The following ACSL6 variants were observed in gnomAD, a reference collection of about 807,000 sequenced individuals.
ACSL6 encodes the protein acyl-CoA synthetase long chain family member 6, also known as long-chain-fatty-acid--CoA ligase 6.
A neutral mutation model predicts 98.2 loss-of-function variants in ACSL6; 47 were observed. The observed-to-expected ratio is 0.48, with a 90% confidence interval of 0.38 to 0.61. ACSL6 has a LOEUF of 0.61. Among genes scored for constraint, ACSL6 ranks in the 20% least tolerant of loss-of-function variants. The pLI is 0.00. For synonymous variants in ACSL6, 362 were observed against 336.9 expected (o/e 1.07, Z -0.82); for missense variants, 761 against 913.4 (o/e 0.83, Z 2.15).
intron 9 of ACSL6, among the ~76,000 whole-genome samples, chr5:131,980,795 C>T (rs959429960): frequency 6.6e-6 from 1 of 152,138 alleles, no homozygotes; most frequent in African/African-American, 2.4e-5. Context: ...CCTTCAGTCA[C>T]TCTCCTGTCA....
At chr5:131,970,766 T>C (rs1443483562) in intron 14 of ACSL6, among the ~76,000 whole-genome samples, 3 of 152,172 alleles carry the variant, frequency 2.0e-5, no homozygotes, top group Non-Finnish European at 2.9e-5. Context: ...TGACCTATTT[T>C]CAACCACTGA....
chr5:131,973,525 C>T, intron 11 of ACSL6, 125 bp from the exon 12 acceptor site: 5 of 1,013,312 alleles, frequency 4.9e-6, no homozygotes, highest in Admixed American at 2.7e-5. Flanking sequence ...GCTCTGGCTG[C>T]TGCCATGAGA....
chr5:131,968,024 G>T lies in ACSL6; in HGVS notation c.1512C>A (p.His504Gln), dbSNP rs532996587. 1 of 1,613,372 alleles carries T rather than the reference G, an allele frequency of 6.2e-7. No individual in the cohort carries two copies. The highest frequency in any genetic ancestry group is 1.1e-5 in the South Asian group (1 of 90,958). Residue 504 changes from histidine (H) to glutamine (Q), a missense_variant, in exon 16 of 21, where the codon CAC becomes CAA. Transcript: ENST00000651883. ...GATTGCAGGGAAGTGGCGCCCCTAC[G>T]TGCCCTGGAACACCGGAGCAAGATG... ...FTTPGDWTSG[H>Q]VGAPLPCNHI...
intron 1 of ACSL6, among the ~76,000 whole-genome samples, chr5:132,002,621 A>G (rs1359498929): frequency 6.6e-6 from 1 of 152,130 alleles, no homozygotes; most frequent in Non-Finnish European, 1.5e-5. Context: ...CAAAAGACAG[A>G]ACCTGAGACA....
rs186759560 is a variant in ACSL6, at chr5:132,011,288, C to T, written c.49+217G>A. Among the ~76,000 whole-genome samples, 1,026 of 152,266 alleles carry T rather than the reference C, an allele frequency of 6.7e-3. 14 individuals are homozygous for T. Among genetic ancestry groups the T allele is most frequent in the African/African-American group, 0.022 (912 of 41,558 alleles). ...TCGCAGAGAGCAAGCCCTATATCTC[C>T]CTCCGCAGACCCAGGTGCTCCCCAA... On this transcript the variant is annotated intron_variant, in intron 1 of 20. Coordinates refer to ENST00000651883, the MANE Select transcript of ACSL6 (RefSeq NM_001009185.3). The surrounding 1 kb of genome is among the most constrained non-coding windows in gnomAD (Gnocchi z 5.4).
intron 11 of ACSL6, 74 bp downstream of exon 11, chr5:131,974,819 G>C: frequency 6.2e-7 from 1 of 1,613,624 alleles, no homozygotes; most frequent in Non-Finnish European, 8.5e-7. Context: ...ATCCGCACAA[G>C]TGGGAGCCCA....
chr5:131,979,339 C>G, intron 9 of ACSL6, among the ~76,000 whole-genome samples: 1 of 152,166 alleles, frequency 6.6e-6, no homozygotes, highest in East Asian at 1.9e-4. Flanking sequence ...TGTTACAGAG[C>G]TTTGGATTTG....
chr5:131,955,553 G>C (rs915719287), intron 20 of ACSL6, among the ~76,000 whole-genome samples: 3 of 152,248 alleles, frequency 2.0e-5, no homozygotes, highest in African/African-American at 7.2e-5. Context: ...ATAGAAGTGG[G>C]GTTTAGATAG....
At chr5:131,959,185 C>G (rs960008907) in intron 20 of ACSL6, among the ~76,000 whole-genome samples, 1 of 152,126 alleles carries the variant, frequency 6.6e-6, no homozygotes, top group African/African-American at 2.4e-5. Flanking sequence ...TCTGCTGAAG[C>G]CAAGAAGACG....
Position 131,972,758 on chromosome 5 carries a change from C to T in ACSL6, c.1304G>A (p.Ser435Asn), listed in dbSNP as rs1385359707. The T allele has an allele frequency of 1.2e-6, 2 of 1,614,214 alleles. No individual in the cohort carries two copies. Among genetic ancestry groups the T allele is most frequent in the Admixed American group, 3.3e-5 (2 of 60,028 alleles). Residue 435 changes from serine to asparagine, a missense_variant, in exon 13 of 21, where the codon AGT becomes AAT. Transcript: ENST00000651883. ...EVRSGIIRND[S>N]IWDELFFNKI... Reference sequence around the variant, plus strand: ...ATTAAAGAAGAGTTCATCCCAGATACTATCATTCCTGATGATTCCACTCCG... The same window carrying T: ...ATTAAAGAAGAGTTCATCCCAGATATTATCATTCCTGATGATTCCACTCCG...
At chr5:131,975,076 G>T in intron 10 of ACSL6, 106 bp from the exon 11 acceptor site, 1 of 1,464,978 alleles carries the variant, frequency 6.8e-7, no homozygotes, top group Non-Finnish European at 9.2e-7. Context: ...GGGTAAACAG[G>T]AAGAGGGGGA....
chr5:131,973,478 T>A (rs1200776628), intron 11 of ACSL6, 78 bp from the exon 12 acceptor site: 1 of 1,491,318 alleles, frequency 6.7e-7, no homozygotes, highest in Admixed American at 2.0e-5. Context: ...TCCAAAGTGC[T>A]GCCCTACATG....
intron 11 of ACSL6, chr5:131,973,880 G>A (rs895418320): frequency 7.8e-5 from 12 of 154,380 alleles, no homozygotes; most frequent in African/African-American, 2.4e-4. Context: ...TGTTTAGTGC[G>A]AGGCCAAGGG....
intron 12 of ACSL6, 72 bp from the exon 13 acceptor site, chr5:131,972,930 A>G (rs765206862): frequency 2.8e-5 from 45 of 1,603,092 alleles, no homozygotes; most frequent in Non-Finnish European, 3.5e-5. Context: ...CCCAGGAATA[A>G]GGCCCAGACT....
chr5:131,970,033 C>T, intron 15 of ACSL6, 95 bp downstream of exon 15: 3 of 1,029,054 alleles, frequency 2.9e-6, no homozygotes, highest in Non-Finnish European at 4.6e-6. Context: ...CCTAAGTACC[C>T]ATGCAAATTT....
intron 9 of ACSL6, among the ~76,000 whole-genome samples, chr5:131,978,181 T>C (rs1003199274): frequency 3.3e-5 from 5 of 152,080 alleles, no homozygotes; most frequent in Non-Finnish European, 5.9e-5. Flanking sequence ...AATGGTGGGG[T>C]GCAAGAAATC....
At chr5:132,009,031 C>T (rs566467641) in intron 1 of ACSL6, among the ~76,000 whole-genome samples, 1 of 152,352 alleles carries the variant, frequency 6.6e-6, no homozygotes, top group African/African-American at 2.4e-5. Context: ...TCATGCTGGA[C>T]TTATTTTACT....
chr5:131,994,403 C>T, intron 1 of ACSL6, 152 bp from the exon 2 acceptor site: 1 of 648,570 alleles, frequency 1.5e-6, no homozygotes, highest in Non-Finnish European at 2.6e-6. Flanking sequence ...AAGCTGGCTA[C>T]CTAGAAGGGC....
chr5:132,005,851 C>A (rs1289118291), intron 1 of ACSL6, among the ~76,000 whole-genome samples: 1 of 152,162 alleles, frequency 6.6e-6, no homozygotes, highest in Non-Finnish European at 1.5e-5. Context: ...AGGCACTGGT[C>A]AATAGGGTCT....
Sources: allele counts gnomAD v4.1 joint callset (sites outside exome capture counted in the v4.1 genomes callset), GRCh38; gene constraint gnomAD v4.1.1; non-coding constraint Gnocchi (gnomAD v3.1); transcripts MANE v1.5; gene names NCBI Gene and HGNC (gene_info 2026-07-23, HGNC 2026-07-21).